Variants in PKD2 observed in about 807,000 individuals in gnomAD.
The protein encoded by PKD2 is polycystin 2, transient receptor potential cation channel.
A neutral mutation model predicts 105.9 loss-of-function variants in PKD2; 48 were observed. The observed-to-expected ratio is 0.45, with a 90% CI of 0.36 to 0.58. The LOEUF is 0.58. Among genes scored for constraint, PKD2 ranks in the 20% least tolerant of loss-of-function variants. The pLI, the probability that PKD2 is intolerant of heterozygous loss-of-function variation, is 0.00. For missense variants in PKD2, 1,078 were observed against 1,255.3 expected (o/e 0.86, Z 2.13); for synonymous variants, 464 against 481.1 (o/e 0.96, Z 0.46).
intron 2 of PKD2, among the ~76,000 whole-genome samples, chr4:88,028,794 C>T (rs1727043716): frequency 6.6e-6 from 1 of 152,110 alleles, no homozygotes; most frequent in South Asian, 2.1e-4. Context: ...CACTTTTGCA[C>T]CATTTTAAAG....
chr4:88,055,947 T>C lies in PKD2; in HGVS notation c.1717-139T>C, dbSNP rs1482622398. ...CTTTTGTGTCAGGCTTATTTCACTT[T>C]GCATGATGTTTTCAAGGTTCATCCA... On this transcript the variant is annotated intron_variant, in intron 7 of 14. Coordinates refer to ENST00000237596, the MANE Select transcript of PKD2 (RefSeq NM_000297.4). The C allele has an allele frequency of 4.3e-6, 3 of 691,560 alleles. No individual in the cohort carries two copies. The South Asian group carries it at 4.9e-5, about 11-fold the overall frequency. The allele number at this position is 691,560 out of a possible 1,614,324, so 42.8% of individuals were successfully genotyped here.
At chr4:88,042,151 A>G (rs534439975) in intron 4 of PKD2, among the ~76,000 whole-genome samples, 3 of 152,370 alleles carry the variant, frequency 2.0e-5, no homozygotes, top group African/African-American at 7.2e-5. Context: ...CATGCTGCTG[A>G]TAAAGACATA....
intron 9 of PKD2, among the ~76,000 whole-genome samples, chr4:88,058,534 C>T (rs776551905): frequency 6.6e-6 from 1 of 151,854 alleles, no homozygotes; most frequent in Non-Finnish European, 1.5e-5. Flanking sequence ...CATGACTTTT[C>T]TCTCTTTCTT....
chr4:88,019,804 C>T (rs1726686598), intron 2 of PKD2, among the ~76,000 whole-genome samples: 4 of 152,170 alleles, frequency 2.6e-5, no homozygotes, highest in Admixed American at 6.5e-5. Context: ...GCTGTACCCC[C>T]ATTTCCCAAA....
rs569677591 is a variant in PKD2 at position 88,039,436 on chromosome 4, G to A, written c.1094+935G>A. On this transcript the variant is annotated intron_variant, in intron 4 of 14. Coordinates refer to ENST00000237596, the MANE Select transcript of PKD2 (RefSeq NM_000297.4). ...TCCCAGCACTTTGGAAAGCCAAGGC[G>A]GACAGATCACTTGAGGTCAGGAGTT... is the stretch of plus-strand genomic sequence containing the variant. Among the ~76,000 whole-genome samples the A allele has an allele frequency of 1.4e-4, 21 of 152,192 alleles. 1 individual carries two copies. Among genetic ancestry groups the A allele is most frequent in the Admixed American group, 1.1e-3 (17 of 15,268 alleles).
intron 4 of PKD2, among the ~76,000 whole-genome samples, chr4:88,040,813 G>C (rs185360599): frequency 6.6e-6 from 1 of 151,952 alleles, no homozygotes; most frequent in African/African-American, 2.4e-5. Context: ...TTATTCCCAG[G>C]TTCTATATTC....
At chr4:88,041,644 G>T (rs1727568514) in intron 4 of PKD2, among the ~76,000 whole-genome samples, 1 of 152,134 alleles carries the variant, frequency 6.6e-6, no homozygotes, top group South Asian at 2.1e-4. Flanking sequence ...TGTTCACTGG[G>T]TACTGGTACT....
intron 2 of PKD2, among the ~76,000 whole-genome samples, chr4:88,035,780 T>C (rs1303311108): frequency 6.6e-6 from 1 of 152,072 alleles, no homozygotes; most frequent in Non-Finnish European, 1.5e-5. Context: ...GGCTTGCCCA[T>C]GTTATTGCAG....
chr4:88,008,379 G>A, intron 1 of PKD2, 51 bp downstream of exon 1: 2 of 1,474,860 alleles, frequency 1.4e-6, no homozygotes, highest in Non-Finnish European at 1.8e-6. Flanking sequence ...AACGGCCGGC[G>A]CCGGCCGGGG....
At chr4:88,073,452 C>T (rs974311493) in intron 13 of PKD2, among the ~76,000 whole-genome samples, 1 of 151,286 alleles carries the variant, frequency 6.6e-6, no homozygotes, top group Non-Finnish European at 1.5e-5. Context: ...CTTGAACCTA[C>T]GAGGCAGAAG....
intron 4 of PKD2, among the ~76,000 whole-genome samples, chr4:88,040,915 A>G (rs541852568): frequency 3.3e-5 from 5 of 152,134 alleles, no homozygotes; most frequent in South Asian, 2.1e-4. Flanking sequence ...CATTTCTTCA[A>G]CAATGTGCCA....
Position 88,008,229 on chromosome 4 carries a change from A to T in PKD2, c.496A>T (p.Ser166Cys), listed in dbSNP as rs973104815. The T allele has an allele frequency of 1.7e-5, 25 of 1,439,928 alleles. No homozygotes were observed. The highest frequency in any genetic ancestry group is 1.9e-5 in the Non-Finnish European group (21 of 1,100,580). The allele number at this position is 1,439,928 out of a possible 1,614,324, so 89.2% of individuals were successfully genotyped here. The change falls in exon 1 of 15, where the codon AGC becomes TGC. Residue 166 changes from serine (S) to cysteine (C), a missense_variant. By Grantham distance (112) the Ser-to-Cys change is moderately radical. Around this residue, in one of 2 missense-constraint regions of PKD2, gnomAD observed 868 missense variants for 1,067.3 expected, o/e 0.81. Transcript: ENST00000237596. Reference sequence around the variant, plus strand: ...AGAGGACCAGGGCCCGCCGTGCCCCAGCCCAGTCGGCGGCGGGGACCCGCT... The same window carrying T: ...AGAGGACCAGGGCCCGCCGTGCCCCTGCCCAGTCGGCGGCGGGGACCCGCT... ...RREDQGPPCP[S>C]PVGGGDPLHR...
At position 88,052,276 on chromosome 4, in the gene PKD2, A is replaced by G. The variant is rs1578139359; in HGVS notation, c.1716+118A>G. 20 of 702,512 alleles carry G rather than the reference A, an allele frequency of 2.8e-5. No homozygotes were observed. The East Asian group carries it at 4.4e-4, about 15-fold the overall frequency. 43.5% of individuals were successfully genotyped at this position (702,512 alleles called of 1,614,324 possible). A position where few individuals can be genotyped will look rare whatever the true frequency, so the allele number is the denominator to read the frequency against. ...TCAAGTGACCAGCCAAAGCTGCTCA[A>G]TATTTACTTTGAGACAGGGTCTCAC... On this transcript the variant is annotated intron_variant, in intron 7 of 14. Transcript: ENST00000237596.
intron 4 of PKD2, among the ~76,000 whole-genome samples, chr4:88,042,999 T>A (rs1342176556): frequency 6.6e-6 from 1 of 152,140 alleles, no homozygotes; most frequent in Non-Finnish European, 1.5e-5. Context: ...GAGTCTGCCC[T>A]CAAAAGCTTT....
intron 2 of PKD2, among the ~76,000 whole-genome samples, chr4:88,035,887 G>A (rs985376432): frequency 6.6e-6 from 1 of 152,188 alleles, no homozygotes; most frequent in Admixed American, 6.5e-5. Context: ...GGGAGGATCT[G>A]AGCCGAGAGG....
intron 1 of PKD2, among the ~76,000 whole-genome samples, chr4:88,014,948 T>G (rs1237547742): frequency 2.6e-5 from 4 of 152,186 alleles, no homozygotes; most frequent in Non-Finnish European, 5.9e-5. Flanking sequence ...AAGTGGAGGC[T>G]CATGATGTCA....
At chr4:88,039,956 ATGCCTTCATC>A (rs1165142112) in intron 4 of PKD2, among the ~76,000 whole-genome samples, 8 of 152,148 alleles carry the variant, frequency 5.3e-5, no homozygotes. Flanking sequence ...AAGCATAAGC[ATGCCTTCATC>A]TGTGGTACCC....
intron 2 of PKD2, among the ~76,000 whole-genome samples, chr4:88,021,720 G>T (rs546097140): frequency 6.6e-6 from 1 of 152,300 alleles, no homozygotes; most frequent in Non-Finnish European, 1.5e-5. Flanking sequence ...TAGCAGTGAA[G>T]CCAGAGTCTA....
chr4:88,027,386 C>T (rs995986781), intron 2 of PKD2, among the ~76,000 whole-genome samples: 3 of 152,124 alleles, frequency 2.0e-5, no homozygotes, highest in Admixed American at 2.0e-4. Context: ...TTGAATGGGG[C>T]CTGTGACCCC....
Sources: allele counts gnomAD v4.1 joint callset (sites outside exome capture counted in the v4.1 genomes callset), GRCh38; gene constraint gnomAD v4.1.1; regional missense constraint gnomAD v4.1.1; transcripts MANE v1.5; gene names NCBI Gene and HGNC (gene_info 2026-07-23, HGNC 2026-07-21).